TMEM260: variants seen among roughly 807,000 people sequenced by gnomAD.
TMEM260 encodes protein O-mannosyl-transferase TMEM260.
In TMEM260, 82 loss-of-function variants were observed where a neutral mutation model predicts 88.9. The observed-to-expected ratio is 0.92, with a 90% CI of 0.77 to 1.11. TMEM260 has a LOEUF of 1.11. Ranked by LOEUF, TMEM260 falls within the 50% of genes least tolerant of loss-of-function variation. The probability of loss-of-function intolerance (pLI) is 0.00; values close to 1 mark genes in which losing one functional copy is unlikely to be tolerated. For missense variants in TMEM260, 902 were observed against 853.4 expected (o/e 1.06, Z -0.71); for synonymous variants, 314 against 309.3 (o/e 1.02, Z -0.16).
chr14:56,616,479 A>G (rs1887601340), intron 8 of TMEM260, among the ~76,000 whole-genome samples: 1 of 152,046 alleles, frequency 6.6e-6, no homozygotes, highest in African/African-American at 2.4e-5. Flanking sequence ...ACATTTATCT[A>G]TAGTTTTGTT....
intron 14 of TMEM260, among the ~76,000 whole-genome samples, chr14:56,636,046 T>C (rs1889037293): frequency 6.6e-6 from 1 of 152,138 alleles, no homozygotes; most frequent in Non-Finnish European, 1.5e-5. Context: ...AAAGAGGTCA[T>C]TATTTGCACA....
chr14:56,650,102 G>A (rs984088739), downstream of TMEM260: 6 of 455,488 alleles, frequency 1.3e-5, no homozygotes, highest in African/African-American at 1.0e-4. Flanking sequence ...TGATAAAAGG[G>A]GTTTCCTGTA....
intron 2 of TMEM260, 36 bp from the exon 3 acceptor site, chr14:56,585,725 A>T (rs1475937747): frequency 1.3e-6 from 2 of 1,599,736 alleles, no homozygotes; most frequent in Admixed American, 3.5e-5. Context: ...CCTTTCCTAG[A>T]TGAAAACCTT....
chr14:56,654,851 G>A (rs1214723117), downstream of TMEM260, among the ~76,000 whole-genome samples: 3 of 137,836 alleles, frequency 2.2e-5, no homozygotes, highest in African/African-American at 8.1e-5. Flanking sequence ...AATGTTAAAT[G>A]TCCACAAGGC....
the TMEM260 span, among the ~76,000 whole-genome samples, chr14:56,658,674 A>G: frequency 1.3e-5 from 2 of 152,224 alleles, no homozygotes; most frequent in African/African-American, 4.8e-5. Flanking sequence ...TAAGGAAACT[A>G]AAGAGACATG....
intron 6 of TMEM260, among the ~76,000 whole-genome samples, chr14:56,609,814 G>A (rs1432005172): frequency 6.6e-6 from 1 of 152,074 alleles, no homozygotes; most frequent in Non-Finnish European, 1.5e-5. Context: ...AAGTTCAAAA[G>A]GCCTTGCTTT....
downstream of TMEM260, among the ~76,000 whole-genome samples, chr14:56,652,719 T>C (rs559644535): frequency 5.3e-5 from 8 of 152,340 alleles, no homozygotes; most frequent in South Asian, 2.1e-4. Flanking sequence ...ACTTCACTGA[T>C]AGAGAATACT....
At chr14:56,581,819 A>G (rs59824319) in intron 1 of TMEM260, among the ~76,000 whole-genome samples, 17,717 of 152,236 alleles carry the variant, frequency 0.12, 1,644 homozygotes, top group African/African-American at 0.25. Context: ...TGCCCCCTTA[A>G]CCTCTACTTT....
Position 56,625,269 on chromosome 14 carries a change from A to G in TMEM260, c.1399-113A>G, listed in dbSNP as rs1433605967. 9.4e-6 allele frequency: 9 copies of G among 960,308 alleles called. No homozygotes were observed. The Admixed American group carries it at 1.0e-4, about 11-fold the overall frequency. The allele number at this position is 960,308 out of a possible 1,614,324, so 59.5% of individuals were successfully genotyped here. A position where few individuals can be genotyped will look rare whatever the true frequency, so the allele number is the denominator to read the frequency against. On this transcript the variant is annotated intron_variant, in intron 11 of 15. Transcript: ENST00000261556. Reference sequence around the variant, plus strand: ...AGTTGTGCTTATATTTTTCAATTATATATATATTAGGTTGGTGCAAAAGTA... The same window carrying G: ...AGTTGTGCTTATATTTTTCAATTATGTATATATTAGGTTGGTGCAAAAGTA...
At chr14:56,639,047 C>T (rs1002328723) in intron 15 of TMEM260, among the ~76,000 whole-genome samples, 1 of 152,146 alleles carries the variant, frequency 6.6e-6, no homozygotes, top group African/African-American at 2.4e-5. Context: ...TGTCCTGCTG[C>T]CTGAAGACTA....
chr14:56,647,394 ACT>A lies in TMEM260; in HGVS notation c.2025_2026del (p.Gln676GlufsTer5). ...GAAACCATCAGACATTTCCGTCTGTACTCTCAGAAAGCACCGAATGACCCACA... is the reference window on the plus strand; with the variant it reads ...GAAACCATCAGACATTTCCGTCTGTACTCAGAAAGCACCGAATGACCCACA... On this transcript the variant is annotated frameshift_variant, in exon 16 of 16. Coordinates refer to ENST00000261556, the MANE Select transcript of TMEM260 (RefSeq NM_017799.4). LOFTEE classifies it high-confidence loss of function. 6.2e-7 allele frequency: 1 copy of A among 1,614,102 alleles called. No individual in the cohort carries two copies.
chr14:56,641,785 GAC>G (rs1047943660), intron 15 of TMEM260, among the ~76,000 whole-genome samples: 4 of 152,180 alleles, frequency 2.6e-5, no homozygotes, highest in African/African-American at 9.7e-5. Context: ...CACGTGCAGA[GAC>G]ACACATAGGC....
At chr14:56,616,854 C>T (rs1012320047) in intron 8 of TMEM260, among the ~76,000 whole-genome samples, 1 of 152,012 alleles carries the variant, frequency 6.6e-6, no homozygotes, top group African/African-American at 2.4e-5. Context: ...TGAGAGTTAT[C>T]GTTCTTAAAT....
chr14:56,591,335 A>G (rs574817082), intron 3 of TMEM260, among the ~76,000 whole-genome samples: 8 of 152,372 alleles, frequency 5.3e-5, no homozygotes, highest in African/African-American at 1.7e-4. Flanking sequence ...ATAACTTTGC[A>G]TAAGACTACT....
At chr14:56,645,297 G>A (rs1269736035) in intron 15 of TMEM260, among the ~76,000 whole-genome samples, 1 of 151,638 alleles carries the variant, frequency 6.6e-6, no homozygotes, top group African/African-American at 2.4e-5. Flanking sequence ...TATACACCAT[G>A]GAATACTATG....
At chr14:56,613,790 T>C (rs1887428059) in intron 7 of TMEM260, 1 of 151,484 alleles carries the variant, frequency 6.6e-6, no homozygotes, top group African/African-American at 2.4e-5. Context: ...CTGAGTGCGG[T>C]GGCTAATGCC....
At chr14:56,636,321 C>CTTGG (rs1036276057) in intron 14 of TMEM260, among the ~76,000 whole-genome samples, 187 bp from the exon 15 acceptor site, 2 of 152,066 alleles carry the variant, frequency 1.3e-5, no homozygotes, top group African/African-American at 4.8e-5. Flanking sequence ...AATGCAGCAT[C>CTTGG]TTGGTGGGTG....
chr14:56,624,201 T>C (rs1888098919), intron 11 of TMEM260, among the ~76,000 whole-genome samples: 1 of 152,228 alleles, frequency 6.6e-6, no homozygotes, highest in African/African-American at 2.4e-5. Context: ...TACTTGATTT[T>C]TTTAATGAAT....
chr14:56,623,065 T>C (rs1208718457), intron 11 of TMEM260, among the ~76,000 whole-genome samples: 2 of 152,226 alleles, frequency 1.3e-5, no homozygotes, highest in East Asian at 3.8e-4. Context: ...ATTCTGTCAC[T>C]TCCTGGATAT....
Sources: gnomAD v4.1 joint callset for allele counts (sites outside exome capture counted in the v4.1 genomes callset) on GRCh38, gnomAD v4.1.1 for gene constraint, MANE v1.5 for transcripts, NCBI Gene and HGNC (gene_info 2026-07-23, HGNC 2026-07-21) for gene names.